FSTL4: variants seen among roughly 807,000 people sequenced by gnomAD.
FSTL4 encodes follistatin-related protein 4.
FSTL4 carries 28 observed loss-of-function variants against 78.2 expected under a neutral mutation model. The ratio of observed to expected loss-of-function variants is 0.36; its 90% CI spans 0.27 to 0.49. The LOEUF (loss-of-function observed/expected upper bound fraction) is 0.49, where lower values mean the gene tolerates loss of function less well. FSTL4 is among the 20% of genes least tolerant of loss of function. The pLI, the probability that FSTL4 is intolerant of heterozygous loss-of-function variation, is 0.98. For missense variants in FSTL4, 922 were observed against 1,084.9 expected (o/e 0.85, Z 2.11); for synonymous variants, 422 against 440.5 (o/e 0.96, Z 0.53).
At chr5:133,656,492 G>T in the FSTL4 span, among the ~76,000 whole-genome samples, 6 of 152,138 alleles carry the variant, frequency 3.9e-5, 1 homozygote, top group Non-Finnish European at 8.8e-5. Flanking sequence ...TGGGAGTCTG[G>T]CTGAACACAT....
chr5:133,553,678 A>G (rs1386517645), intron 3 of FSTL4, among the ~76,000 whole-genome samples: 8 of 152,140 alleles, frequency 5.3e-5, no homozygotes, highest in Non-Finnish European at 1.0e-4. Flanking sequence ...TTTAATAACA[A>G]CAGTTGTCAT....
intron 3 of FSTL4, among the ~76,000 whole-genome samples, chr5:133,511,938 A>G (rs1018044524): frequency 6.6e-6 from 1 of 152,130 alleles, no homozygotes; most frequent in Non-Finnish European, 1.5e-5. Flanking sequence ...CCACAGCTGC[A>G]TGGTGGGAGC....
At chr5:133,287,418 A>C (rs889208266) in intron 6 of FSTL4, among the ~76,000 whole-genome samples, 1 of 150,970 alleles carries the variant, frequency 6.6e-6, no homozygotes, top group Non-Finnish European at 1.5e-5. Context: ...TTTGTAGGTG[A>C]CTATTCTACC....
At chr5:133,589,845 A>T (rs1381016460) in intron 2 of FSTL4, among the ~76,000 whole-genome samples, 2 of 152,224 alleles carry the variant, frequency 1.3e-5, no homozygotes, top group African/African-American at 2.4e-5. Context: ...AGAAAGCCAG[A>T]TGCAAACCCT....
At chr5:133,430,307 C>A (rs759465220) in intron 3 of FSTL4, among the ~76,000 whole-genome samples, 74 of 152,294 alleles carry the variant, frequency 4.9e-4, no homozygotes, top group Middle Eastern at 3.4e-3. Flanking sequence ...GTTTGAGTGG[C>A]CCTGTGGGGT....
chr5:133,364,665 T>C (rs994584127), intron 4 of FSTL4, among the ~76,000 whole-genome samples: 1 of 152,238 alleles, frequency 6.6e-6, no homozygotes, highest in Non-Finnish European at 1.5e-5. Context: ...AGTCTTCTCT[T>C]AGCATGTAGA....
At chr5:133,753,007 T>C in the FSTL4 span, among the ~76,000 whole-genome samples, 1 of 152,230 alleles carries the variant, frequency 6.6e-6, no homozygotes, top group South Asian at 2.1e-4. Flanking sequence ...CTAAGTATAA[T>C]GGTTGTTATG....
intron 3 of FSTL4, among the ~76,000 whole-genome samples, chr5:133,528,591 G>A (rs896800510): frequency 6.6e-6 from 1 of 152,084 alleles, no homozygotes; most frequent in African/African-American, 2.4e-5. Context: ...AGCACCCAGG[G>A]CAGAGCCTGG....
chr5:133,633,811 A>C, the FSTL4 span, among the ~76,000 whole-genome samples: 1 of 152,144 alleles, frequency 6.6e-6, no homozygotes, highest in East Asian at 1.9e-4. Flanking sequence ...GTTACTCCCC[A>C]GTGGGTATAG....
At chr5:133,411,029 T>C (rs1403080450) in intron 3 of FSTL4, among the ~76,000 whole-genome samples, 2 of 152,198 alleles carry the variant, frequency 1.3e-5, no homozygotes, top group East Asian at 3.9e-4. Context: ...TGGGCTGGTC[T>C]GCTCTACCCC....
chr5:133,700,319 AAACATCACACCAG>A, the FSTL4 span, among the ~76,000 whole-genome samples: 2 of 150,410 alleles, frequency 1.3e-5, no homozygotes, highest in African/African-American at 5.0e-5. Context: ...CATCACACCA[AAACATCACACCAG>A]ACCACCACAC....
chr5:133,482,620 G>A (rs942857998), intron 3 of FSTL4, among the ~76,000 whole-genome samples: 1 of 152,198 alleles, frequency 6.6e-6, no homozygotes, highest in East Asian at 1.9e-4. Flanking sequence ...AGAAACAGAC[G>A]CCAGGGGCCC....
chr5:133,252,173 G>A (rs1752267836), intron 6 of FSTL4: 1 of 152,254 alleles, frequency 6.6e-6, no homozygotes, highest in Non-Finnish European at 1.5e-5. Flanking sequence ...ACAATGGATT[G>A]AGCATTTAGT....
Position 133,267,411 on chromosome 5 carries a change from C to T in FSTL4, c.728-17835G>A, listed in dbSNP as rs142330871. Among the ~76,000 whole-genome samples, 830 of 152,310 alleles carry T rather than the reference C, an allele frequency of 5.4e-3. 3 individuals carry two copies. The highest frequency in any genetic ancestry group is 0.044 in the Middle Eastern group (13 of 294). On this transcript the variant is annotated intron_variant, in intron 6 of 15. Transcript: ENST00000265342. ...CAACCTGTTCTTCACAAAGCACGCT[C>T]ATATCCACAGCCGCATAAGCCCCAC...
intron 7 of FSTL4, among the ~76,000 whole-genome samples, chr5:133,237,568 G>A (rs1028063323): frequency 1.3e-5 from 2 of 152,194 alleles, no homozygotes; most frequent in Non-Finnish European, 2.9e-5. Flanking sequence ...GCTCGGAGGA[G>A]AAGCTGACTC....
intron 4 of FSTL4, among the ~76,000 whole-genome samples, chr5:133,326,279 G>A (rs1208770477): frequency 2.6e-5 from 4 of 152,160 alleles, no homozygotes; most frequent in Non-Finnish European, 4.4e-5. Context: ...ACATGATGTC[G>A]TTTCACTGAC....
At chr5:133,430,185 T>C (rs1026844788) in intron 3 of FSTL4, among the ~76,000 whole-genome samples, 7 of 152,226 alleles carry the variant, frequency 4.6e-5, no homozygotes, top group African/African-American at 1.7e-4. Context: ...GGGCAAACTT[T>C]GCAACAGAGG....
chr5:133,215,720 T>C (rs1750885446), intron 13 of FSTL4, among the ~76,000 whole-genome samples: 1 of 152,198 alleles, frequency 6.6e-6, no homozygotes, highest in South Asian at 2.1e-4. Flanking sequence ...CAGCACTCCT[T>C]CTAGAGGTTC....
intron 6 of FSTL4, among the ~76,000 whole-genome samples, chr5:133,276,528 GT>G (rs981573208): frequency 1.3e-5 from 2 of 152,206 alleles, no homozygotes; most frequent in African/African-American, 2.4e-5. Context: ...CAAGGCCATG[GT>G]GGGGGAAATA....
Sources: allele counts gnomAD v4.1 joint callset (sites outside exome capture counted in the v4.1 genomes callset), GRCh38; gene constraint gnomAD v4.1.1; transcripts MANE v1.5; gene names NCBI Gene and HGNC (gene_info 2026-07-23, HGNC 2026-07-21).